Variants in TEP1 observed in about 807,000 individuals in gnomAD.
The protein encoded by TEP1 is telomerase protein component 1.
TEP1 carries 241 observed loss-of-function variants against 306.3 expected under a neutral mutation model. The observed-to-expected ratio is 0.79, with a 90% CI of 0.71 to 0.88. The LOEUF is 0.88. TEP1 is among the 40% of genes least tolerant of loss of function. The pLI, the probability that TEP1 is intolerant of heterozygous loss-of-function variation, is 0.00. For synonymous variants in TEP1, 1,289 were observed against 1,305.5 expected (o/e 0.99, Z 0.27); for missense variants, 3,051 against 3,276.1 (o/e 0.93, Z 1.68).
chr14:20,388,819 G>A (rs554979978), intron 17 of TEP1, among the ~76,000 whole-genome samples: 87 of 152,268 alleles, frequency 5.7e-4, no homozygotes, highest in African/African-American at 2.0e-3. Context: ...ATGCCTGGAT[G>A]GCTGTAAAAG....
In TEP1 at chr14:20,396,617, A is replaced by G; in HGVS notation, c.1659+4T>C. The G allele has an allele frequency of 1.2e-6, 2 of 1,603,244 alleles. No individual in the cohort carries two copies. The highest frequency in any genetic ancestry group is 1.7e-6 in the Non-Finnish European group (2 of 1,171,110). On this transcript the variant is annotated splice_donor_region_variant and intron_variant, in intron 10 of 54. Transcript: ENST00000262715. ...CCCCATGGCTACCAGCCCCTCACAC[A>G]TACCGCATGCTGGAGTCTCTGGAGA...
At chr14:20,402,802 G>T (rs1411511932) in intron 7 of TEP1, among the ~76,000 whole-genome samples, 1 of 152,100 alleles carries the variant, frequency 6.6e-6, no homozygotes, top group Non-Finnish European at 1.5e-5. Flanking sequence ...CCTGTGAAAG[G>T]TATATATTTC....
chr14:20,404,245 C>T (rs1221363743), intron 5 of TEP1, among the ~76,000 whole-genome samples: 1 of 151,336 alleles, frequency 6.6e-6, no homozygotes, highest in Non-Finnish European at 1.5e-5. Context: ...ATCCCAGCTA[C>T]TTGGGAGGCT....
At position 20,384,599 on chromosome 14, in the gene TEP1, C is replaced by T. The variant is rs1221669773; in HGVS notation, c.3221+1G>A. The T allele has an allele frequency of 1.2e-6, 2 of 1,613,924 alleles. No individual in the cohort carries two copies. The highest frequency in any genetic ancestry group is 1.3e-5 in the African/African-American group (1 of 74,932). On this transcript the variant is annotated splice_donor_variant, in intron 22 of 54. Coordinates refer to ENST00000262715, the MANE Select transcript of TEP1 (RefSeq NM_007110.5). LOFTEE classifies it high-confidence loss of function. Reference sequence around the variant, plus strand: ...GGTGCTCCCTACCTCCCTCAGCTCACCTGCGGCAGGTGATCCCTTTCTGTC... The same window carrying T: ...GGTGCTCCCTACCTCCCTCAGCTCATCTGCGGCAGGTGATCCCTTTCTGTC...
chr14:20,379,298 C>A (rs1885391946), intron 35 of TEP1, among the ~76,000 whole-genome samples, 193 bp from the exon 36 acceptor site: 1 of 152,264 alleles, frequency 6.6e-6, no homozygotes, highest in African/African-American at 2.4e-5. Flanking sequence ...TCCCCTACTC[C>A]AAACCCCATA....
Position 20,365,748 on chromosome 14 carries a change from C to T in TEP1, c.*2689G>A, listed in dbSNP as rs2138970730. The T allele has an allele frequency of 6.6e-6, 1 of 152,344 alleles. No homozygotes were observed. Among genetic ancestry groups the T allele is most frequent in the Non-Finnish European group, 1.5e-5 (1 of 68,040 alleles). The allele number at this position is 152,344 out of a possible 1,614,324, so 9.4% of individuals were successfully genotyped here. ...ACAGTTTCTAAATGGTTACTCTCAA[C>T]TTCCGTACTTATCTCATTATAAAAC... On this transcript the variant is annotated 3_prime_UTR_variant, in exon 55 of 55. Transcript: ENST00000262715.
intron 51 of TEP1, among the ~76,000 whole-genome samples, chr14:20,370,328 T>A (rs1271376676): frequency 6.6e-6 from 1 of 152,230 alleles, no homozygotes; most frequent in Non-Finnish European, 1.5e-5. Context: ...AAAATTGCCC[T>A]TATGTCCCTT....
In TEP1 at chr14:20,383,768, G is replaced by C; in HGVS notation, c.3685C>G (p.Pro1229Ala). Residue 1229 changes from proline (P) to alanine (A), a missense_variant, in exon 25 of 55, where the codon CCA (proline) becomes GCA (alanine). By Grantham distance (27) the Pro-to-Ala change is conservative. Coordinates refer to ENST00000262715, the MANE Select transcript of TEP1 (RefSeq NM_007110.5). Reference sequence around the variant, plus strand: ...CGGTAGGTGCTGGGGAGGGCACCTGGCTCTTTTAGTTGGCCACGCAGATAG... The same window carrying C: ...CGGTAGGTGCTGGGGAGGGCACCTGCCTCTTTTAGTTGGCCACGCAGATAG... ...CTYLRGQLKEPGALPSTYRSL... is the reference protein window; with the variant it reads ...CTYLRGQLKEAGALPSTYRSL... 6.2e-7 allele frequency: 1 copy of C among 1,611,776 alleles called. No individual in the cohort carries two copies. The highest frequency in any genetic ancestry group is 8.5e-7 in the Non-Finnish European group (1 of 1,179,400).
chr14:20,388,322 G>A (rs1311699976), intron 17 of TEP1, among the ~76,000 whole-genome samples: 2 of 152,180 alleles, frequency 1.3e-5, no homozygotes, highest in East Asian at 1.9e-4. Flanking sequence ...GTTGGGCCGG[G>A]GCAACGGGGT....
Position 20,367,512 on chromosome 14 carries a change from T to A in TEP1, c.*925A>T, listed in dbSNP as rs1393564749. ...TCGTGATCTCTTCTGAGAATGCCAA[T>A]TACCATATTGACTAAAGTTGAAAGT... On this transcript the variant is annotated 3_prime_UTR_variant, in exon 55 of 55. Coordinates refer to ENST00000262715, the MANE Select transcript of TEP1 (RefSeq NM_007110.5). 1.3e-5 allele frequency: 2 copies of A among 152,174 alleles called. No individual in the cohort carries two copies. Among genetic ancestry groups the A allele is most frequent in the African/African-American group, 4.8e-5 (2 of 41,426 alleles). The allele number at this position is 152,174 out of a possible 1,614,324, so 9.4% of individuals were successfully genotyped here. A position where few individuals can be genotyped will look rare whatever the true frequency, so the allele number is the denominator to read the frequency against.
At position 20,403,877 on chromosome 14, in the gene TEP1, G is replaced by A. The variant is rs1431570727; in HGVS notation, c.1040C>T (p.Ala347Val). ...CACCAGCTTATTCTTATCTCCCTCA[G>A]CCAGGCTCTGTCAAAGAGAGAGGAG... is the stretch of plus-strand genomic sequence containing the variant. ...IQVAELYQSL[A>V]EGDKNKLVPL... The change falls in exon 6 of 55, where the codon GCT (alanine) becomes GTT (valine). Residue 347 changes from alanine (A) to valine (V), a missense_variant. This residue lies in a region of TEP1 where 1,507 missense variants were observed against 1,550.5 expected (regional missense o/e 0.97). Coordinates refer to ENST00000262715, the MANE Select transcript of TEP1 (RefSeq NM_007110.5). The A allele has an allele frequency of 5.0e-6, 8 of 1,614,100 alleles. No homozygotes were observed. Among genetic ancestry groups the A allele is most frequent in the Non-Finnish European group, 6.8e-6 (8 of 1,180,028 alleles).
At chr14:20,395,714 TTG>T (rs1878144151) in intron 11 of TEP1, 87 bp from the exon 12 acceptor site, 1 of 1,535,410 alleles carries the variant, frequency 6.5e-7, no homozygotes, top group Non-Finnish European at 8.9e-7. Flanking sequence ...GCCCCAACCC[TTG>T]GGGCTGGCAA....
At chr14:20,405,335 T>A in intron 4 of TEP1, 116 bp downstream of exon 4, 1 of 1,398,134 alleles carries the variant, frequency 7.2e-7, no homozygotes, top group Non-Finnish European at 9.8e-7. Context: ...AAATCCTTCC[T>A]AAGAGAAGCT....
rs368388916 is a variant in TEP1 at position 20,385,048 on chromosome 14, C to T, written c.3044G>A (p.Arg1015Gln). 1.5e-5 allele frequency: 24 copies of T among 1,614,154 alleles called. 1 individual carries two copies. The highest frequency in any genetic ancestry group is 1.2e-4 in the South Asian group (11 of 91,086). Residue 1015 changes from arginine (R) to glutamine (Q), a missense_variant, in exon 21 of 55, where the codon CGG (arginine) becomes CAG (glutamine). By Grantham distance (43) the Arg-to-Gln change is conservative (BLOSUM62 1). Coordinates refer to ENST00000262715, the MANE Select transcript of TEP1 (RefSeq NM_007110.5). ...TEMEVMQFLN[R>Q]NQRLQPSAQA... ...GGCAGAGGGCTGCAGACGTTGGTTC[C>T]GGTTCAGGAACTGCATCACCTCCAT...
Position 20,383,530 on chromosome 14 carries a change from A to G in TEP1, c.3825T>C (p.Asn1275=). 6.2e-7 allele frequency: 1 copy of G among 1,614,220 alleles called. No individual in the cohort carries two copies. The highest frequency in any genetic ancestry group is 1.1e-5 in the South Asian group (1 of 91,090). ...IDGADRLVDQ[N]GQLISDWIPK... ...GGATCCAGTCTGAAATCAGCTGCCC[A>G]TTCTGGTCCACTAACCTATCAGCCC... Residue 1275 remains asparagine (N), a synonymous_variant, in exon 26 of 55, where the codon AAT becomes AAC. Transcript: ENST00000262715.
At position 20,411,947 on chromosome 14, in the gene TEP1, A is replaced by T. The variant is rs958291222; in HGVS notation, c.-25+1458T>A. 3.6e-4 allele frequency among the ~76,000 whole-genome samples: 52 copies of T among 145,416 alleles called. 1 individual carries two copies. The highest frequency in any genetic ancestry group is 3.0e-3 in the Admixed American group (44 of 14,504). On this transcript the variant is annotated intron_variant, in intron 1 of 54. Transcript: ENST00000262715. Reference sequence around the variant, plus strand: ...GGGCAACATAGTGAGACCTCTATTTAAAAAAAAAAAGGAATGTATTTTCTT... The same window carrying T: ...GGGCAACATAGTGAGACCTCTATTTTAAAAAAAAAAGGAATGTATTTTCTT...
chr14:20,372,933 T>G (rs1219115958), intron 48 of TEP1, 76 bp from the exon 49 acceptor site: 1 of 1,613,254 alleles, frequency 6.2e-7, no homozygotes, highest in Non-Finnish European at 8.5e-7. Context: ...CAGGCACATA[T>G]GCAACCTCTA....
In TEP1 at chr14:20,381,709, G is replaced by C; in HGVS notation, c.4425-23C>G. The stretch of plus-strand genomic sequence containing the variant: ...AAACTGTCCTCGTGTGAGGAAGGGA[G>C]AGAGAAGAAGGAAGAGGCCTGTCAG... On this transcript the variant is annotated intron_variant, in intron 30 of 54. Coordinates refer to ENST00000262715, the MANE Select transcript of TEP1 (RefSeq NM_007110.5). This position sits in a 1 kb window ranked among gnomAD's most constrained non-coding sequence, Gnocchi z 4.0. The C allele has an allele frequency of 6.3e-7, 1 of 1,575,258 alleles. No homozygotes were observed. Among genetic ancestry groups the C allele is most frequent in the Non-Finnish European group, 8.6e-7 (1 of 1,162,946 alleles).
rs1380507392 is a variant in TEP1, at chr14:20,369,447, C to T, written c.7553G>A (p.Gly2518Glu). 6.2e-6 allele frequency: 10 copies of T among 1,614,042 alleles called. No individual in the cohort carries two copies. The highest frequency in any genetic ancestry group is 8.5e-6 in the Non-Finnish European group (10 of 1,180,048). ...TTCCCTGCAGGTAGATGGGTCTGTCCCTGGAGTTTGGGTTTCTGGAGTGTT... is the reference window on the plus strand; with the variant it reads ...TTCCCTGCAGGTAGATGGGTCTGTCTCTGGAGTTTGGGTTTCTGGAGTGTT... Reference protein sequence around the residue: ...KANTPETQTPGTDPSTCRESD... With the variant: ...KANTPETQTPETDPSTCRESD... Residue 2518 changes from glycine (G) to glutamate (E), a missense_variant, in exon 53 of 55, where the codon GGG (glycine) becomes GAG (glutamate). Gly to Glu is a moderately conservative substitution (Grantham distance 98, BLOSUM62 -2). Coordinates refer to ENST00000262715, the MANE Select transcript of TEP1 (RefSeq NM_007110.5).
Sources: gnomAD v4.1 joint callset for allele counts (sites outside exome capture counted in the v4.1 genomes callset) on GRCh38, gnomAD v4.1.1 for gene constraint, gnomAD v4.1.1 regional missense constraint, Gnocchi (gnomAD v3.1) non-coding constraint, MANE v1.5 for transcripts, NCBI Gene and HGNC (gene_info 2026-07-23, HGNC 2026-07-21) for gene names.